Variants in SLC35F3 observed in about 807,000 individuals in gnomAD.
SLC35F3 encodes the protein putative thiamine transporter SLC35F3.
In SLC35F3, 25 loss-of-function variants were observed where a neutral mutation model predicts 49.9. The observed-to-expected ratio is 0.50, with a 90% CI of 0.37 to 0.70. The LOEUF (loss-of-function observed/expected upper bound fraction) is 0.70, where lower values mean the gene tolerates loss of function less well. Among genes scored for constraint, SLC35F3 ranks in the 30% least tolerant of loss-of-function variants. The pLI is 0.00. For missense variants in SLC35F3, 525 were observed against 639.8 expected (o/e 0.82, Z 1.94); for synonymous variants, 275 against 265.4 (o/e 1.04, Z -0.35).
rs57014018 is a variant in SLC35F3, at chr1:234,224,052, TTTTGTTTG to T, written c.284-7345_284-7338del. Among the ~76,000 whole-genome samples, 8 of 150,400 alleles carry T rather than the reference TTTTGTTTG, an allele frequency of 5.3e-5. No homozygotes were observed. In the East Asian group the frequency reaches 5.9e-4, roughly 11 times the overall value. On this transcript the variant is annotated intron_variant, in intron 2 of 7. Coordinates refer to ENST00000366618, the MANE Select transcript of SLC35F3 (RefSeq NM_173508.4). ...TGACCTCATTTAACCTTTTTCGGTTTTTTGTTTGTTTGTTTGTTTGTTTGTTTTTTAAG... is the reference window on the plus strand; with the variant it reads ...TGACCTCATTTAACCTTTTTCGGTTTTTTGTTTGTTTGTTTGTTTTTTAAG...
At chr1:234,302,581 A>G (rs642044) in intron 3 of SLC35F3, among the ~76,000 whole-genome samples, 93,598 of 151,950 alleles carry the variant, frequency 0.62, 28,998 homozygotes, top group Middle Eastern at 0.8. Flanking sequence ...TTAAAGTTGG[A>G]AAAGCTTAGA....
intron 2 of SLC35F3, among the ~76,000 whole-genome samples, chr1:234,042,743 G>C (rs12044956): frequency 0.39 from 59,030 of 152,030 alleles, 12,311 homozygotes; most frequent in Middle Eastern, 0.48. Flanking sequence ...CTGCATAGTT[G>C]CAAGCATGGT....
chr1:233,936,291 G>A (rs1457794674), intron 2 of SLC35F3, among the ~76,000 whole-genome samples: 1 of 152,196 alleles, frequency 6.6e-6, no homozygotes, highest in African/African-American at 2.4e-5. Context: ...TTTATAAAAG[G>A]AGAGCAGCAG....
intron 2 of SLC35F3, among the ~76,000 whole-genome samples, chr1:234,026,145 A>G (rs534265381): frequency 2.0e-5 from 3 of 152,162 alleles, no homozygotes; most frequent in Non-Finnish European, 2.9e-5. Flanking sequence ...CTATTCTGCA[A>G]TTGGTCTATG....
intron 2 of SLC35F3, among the ~76,000 whole-genome samples, chr1:234,150,292 A>G (rs1666057925): frequency 6.6e-6 from 1 of 151,266 alleles, no homozygotes; most frequent in Admixed American, 6.6e-5. Context: ...TCTTAAGGAG[A>G]AGACTAATTT....
At chr1:234,149,097 G>A (rs1236350520) in intron 2 of SLC35F3, among the ~76,000 whole-genome samples, 1 of 152,188 alleles carries the variant, frequency 6.6e-6, no homozygotes, top group Non-Finnish European at 1.5e-5. Flanking sequence ...ACACATGTAG[G>A]AGTCATTGGC....
chr1:234,214,624 A>G lies in SLC35F3; in HGVS notation c.284-16793A>G. The G allele has an allele frequency of 6.6e-7, 1 of 1,505,374 alleles. No individual in the cohort carries two copies. Among genetic ancestry groups the G allele is most frequent in the Non-Finnish European group, 8.9e-7 (1 of 1,125,734 alleles). 93.3% of individuals were successfully genotyped at this position (1,505,374 alleles called of 1,614,324 possible). ...GGGGTCCCTGCACCCTAGCCGGGGA[A>G]TGCTGCCACCCTGAGGGGGGCTGTC... On this transcript the variant is annotated intron_variant, in intron 2 of 7. Coordinates refer to ENST00000366618, the MANE Select transcript of SLC35F3 (RefSeq NM_173508.4). The surrounding 1 kb of genome is among the most constrained non-coding windows in gnomAD (Gnocchi z 8.0).
intron 2 of SLC35F3, among the ~76,000 whole-genome samples, chr1:234,229,622 T>C (rs1343344083): frequency 4.6e-5 from 7 of 152,368 alleles, no homozygotes; most frequent in Non-Finnish European, 4.4e-5. Context: ...GTTATTACTG[T>C]GAAGCTGCAT....
chr1:234,309,993 C>T (rs1198531086), intron 4 of SLC35F3, among the ~76,000 whole-genome samples: 1 of 152,144 alleles, frequency 6.6e-6, no homozygotes, highest in African/African-American at 2.4e-5. Context: ...CGTCGGATTT[C>T]ATAACAACTG....
At chr1:234,124,712 T>A (rs72758227) in intron 2 of SLC35F3, among the ~76,000 whole-genome samples, 32,624 of 151,924 alleles carry the variant, frequency 0.21, 3,859 homozygotes, top group Non-Finnish European at 0.27. Context: ...ACGAAAAAAT[T>A]AAAAAATTAT....
intron 2 of SLC35F3, among the ~76,000 whole-genome samples, chr1:234,222,637 C>A (rs1667225451): frequency 1.3e-5 from 2 of 152,188 alleles, no homozygotes; most frequent in South Asian, 4.1e-4. Flanking sequence ...CCCTCTTCCT[C>A]AAGAGCCCTC....
intron 3 of SLC35F3, among the ~76,000 whole-genome samples, chr1:234,250,938 T>A (rs984183962): frequency 1.3e-5 from 2 of 152,026 alleles, no homozygotes; most frequent in Non-Finnish European, 2.9e-5. Context: ...TACAAAGACC[T>A]CCCATTAGGC....
intron 2 of SLC35F3, among the ~76,000 whole-genome samples, chr1:233,945,843 A>G (rs1206254267): frequency 6.6e-6 from 1 of 152,204 alleles, no homozygotes; most frequent in Non-Finnish European, 1.5e-5. Context: ...CTCCCCAGCC[A>G]TGTGTGACTG....
rs535827214 is a variant in SLC35F3 at position 234,080,183 on chromosome 1, A to G, written c.284-151234A>G. Among the ~76,000 whole-genome samples, 20 of 152,322 alleles carry G rather than the reference A, an allele frequency of 1.3e-4. No individual in the cohort carries two copies. In the South Asian group the frequency reaches 3.9e-3, roughly 30 times the overall value. ...TTAATCACCCCTGCCTATAAAATGAAGCCTCCATTCAAACCCAAAAAGTTG... is the reference window on the plus strand; with the variant it reads ...TTAATCACCCCTGCCTATAAAATGAGGCCTCCATTCAAACCCAAAAAGTTG... On this transcript the variant is annotated intron_variant, in intron 2 of 7. Coordinates refer to ENST00000366618, the MANE Select transcript of SLC35F3 (RefSeq NM_173508.4).
chr1:233,967,946 G>A (rs544970691), intron 2 of SLC35F3, among the ~76,000 whole-genome samples: 4 of 152,288 alleles, frequency 2.6e-5, no homozygotes, highest in South Asian at 2.1e-4. Flanking sequence ...AGGAACATGC[G>A]GTGAATTGTT....
intron 3 of SLC35F3, among the ~76,000 whole-genome samples, chr1:234,275,217 A>G (rs1453077842): frequency 6.6e-6 from 1 of 152,170 alleles, no homozygotes; most frequent in Non-Finnish European, 1.5e-5. Context: ...ATTGTAGAAA[A>G]TTACCCTCAG....
chr1:234,070,246 AG>A (rs1256129079), intron 2 of SLC35F3, among the ~76,000 whole-genome samples: 1 of 152,164 alleles, frequency 6.6e-6, no homozygotes, highest in Non-Finnish European at 1.5e-5. Context: ...TTCATACAGC[AG>A]GTTCCTGGAA....
In SLC35F3 at chr1:233,905,077, T is replaced by C. The variant is rs1661748820; in HGVS notation, c.-1T>C. On this transcript the variant is annotated 5_prime_UTR_variant, in exon 1 of 8. Transcript: ENST00000366618. ...CTGCCGGTCCCACTCTGTCTTTGCC[T>C]ATGGGGATTCGAGAGTTTCCCAGCG... is the stretch of plus-strand genomic sequence containing the variant. 1 of 1,563,202 alleles carries C rather than the reference T, an allele frequency of 6.4e-7. No individual in the cohort carries two copies.
intron 2 of SLC35F3, among the ~76,000 whole-genome samples, chr1:234,089,164 A>C (rs905763516): frequency 4.6e-5 from 7 of 151,782 alleles, no homozygotes; most frequent in African/African-American, 1.5e-4. Context: ...CCCAGGGCAC[A>C]CACTTTTCCA....
Sources: allele counts gnomAD v4.1 joint callset (sites outside exome capture counted in the v4.1 genomes callset), GRCh38; gene constraint gnomAD v4.1.1; non-coding constraint Gnocchi (gnomAD v3.1); transcripts MANE v1.5; gene names NCBI Gene and HGNC (gene_info 2026-07-23, HGNC 2026-07-21).